The following QKI variants were observed in gnomAD, a reference collection of about 807,000 sequenced individuals.
QKI encodes the protein KH domain-containing RNA-binding protein QKI.
A neutral mutation model predicts 39.0 loss-of-function variants in QKI; 10 were observed. That is an observed-to-expected ratio of 0.26 (90% CI 0.16 to 0.43). QKI has a LOEUF of 0.43. Among genes scored for constraint, QKI ranks in the 20% least tolerant of loss-of-function variants. The probability of loss-of-function intolerance (pLI) is 1.00; values close to 1 mark genes in which losing one functional copy is unlikely to be tolerated. For synonymous variants in QKI, 204 were observed against 155.4 expected, an observed-to-expected ratio of 1.31 and a Z score of -2.33; for missense variants, 218 against 428.0, an observed-to-expected ratio of 0.51 and a Z score of 4.33.
At chr6:163,417,180 C>G (rs1342046585) in intron 1 of QKI, among the ~76,000 whole-genome samples, 1 of 152,070 alleles carries the variant, frequency 6.6e-6, no homozygotes, top group African/African-American at 2.4e-5. Flanking sequence ...AAATAACACT[C>G]TTACTGTCTT....
chr6:163,465,723 C>G (rs1791691167), intron 2 of QKI, among the ~76,000 whole-genome samples: 1 of 151,484 alleles, frequency 6.6e-6, no homozygotes, highest in African/African-American at 2.4e-5. Context: ...GTAGAAAAAC[C>G]CAAGACTTCA....
intron 1 of QKI, among the ~76,000 whole-genome samples, chr6:163,445,872 C>T (rs1454096470): frequency 1.3e-5 from 2 of 152,190 alleles, no homozygotes; most frequent in Non-Finnish European, 2.9e-5. Flanking sequence ...CCTCGGCCTC[C>T]CAAAGTGCTG....
intron 7 of QKI, chr6:163,567,037 A>G (rs1583233905): frequency 8.8e-7 from 1 of 1,130,496 alleles, no homozygotes. Context: ...ATTTATTCCT[A>G]CTAAAACATA....
rs535527774 is a variant in QKI at position 163,564,704 on chromosome 6, C to T, written c.934+985C>T. On this transcript the variant is annotated intron_variant, in intron 6 of 7. Transcript: ENST00000361752. ...TGCCAGTCATGCCTGATATTTCAGC[C>T]CATTGACTTGCTGGATGAAGGACTA... is the stretch of plus-strand genomic sequence containing the variant. The T allele has an allele frequency of 8.7e-6, 14 of 1,613,868 alleles. No homozygotes were observed. In the African/African-American group the frequency reaches 1.9e-4, roughly 22 times the overall value.
intron 6 of QKI, 148 bp from the exon 7 acceptor site, chr6:163,566,573 A>C: frequency 6.6e-7 from 1 of 1,509,614 alleles, no homozygotes; most frequent in African/African-American, 1.4e-5. Flanking sequence ...TATTGTGGTT[A>C]ATTTTAAAAC....
At chr6:163,415,531 C>T (rs1390348730) in intron 1 of QKI, among the ~76,000 whole-genome samples, 196 bp downstream of exon 1, 1 of 151,272 alleles carries the variant, frequency 6.6e-6, no homozygotes. Context: ...GTGGACCCGC[C>T]GGTGCCGGAC....
rs1783949685 is a variant in QKI, at chr6:163,575,865, AGGAT to A, written c.*5158_*5161del. 6.6e-6 allele frequency: 1 copy of A among 152,118 alleles called. No homozygotes were observed. Among genetic ancestry groups the A allele is most frequent in the East Asian group, 1.9e-4 (1 of 5,184 alleles). 9.4% of individuals were successfully genotyped at this position (152,118 alleles called of 1,614,324 possible). A position where few individuals can be genotyped will look rare whatever the true frequency, so the allele number is the denominator to read the frequency against. On this transcript the variant is annotated 3_prime_UTR_variant, in exon 8 of 8. Transcript: ENST00000361752. ...GACAGCCTAAGGTTTCTTTAGTTTT[AGGAT>A]GGGGTGGGGTGGGAGTGGTTTTGCA...
At chr6:163,496,906 C>A (rs1424974579) in intron 3 of QKI, among the ~76,000 whole-genome samples, 2 of 151,964 alleles carry the variant, frequency 1.3e-5, no homozygotes, top group Admixed American at 1.3e-4. Context: ...TTTCATCTTA[C>A]CATCAACAGC....
rs115907860 is a variant in QKI at position 163,521,293 on chromosome 6, T to A, written c.403-13689T>A. Among the ~76,000 whole-genome samples, 213 of 152,298 alleles carry A rather than the reference T, an allele frequency of 1.4e-3. 1 individual carries two copies. The highest frequency in any genetic ancestry group is 4.8e-3 in the African/African-American group (199 of 41,574). On this transcript the variant is annotated intron_variant, in intron 3 of 7. Transcript: ENST00000361752. ...TCCCTATGGGAATCGCTGGGATGTG[T>A]TGTAGATACCTGTCTATATATTTTT...
At position 163,571,954 on chromosome 6, in the gene QKI, G is replaced by A. The variant is rs1448570081; in HGVS notation, c.*1244G>A. The A allele has an allele frequency of 6.6e-6, 1 of 152,068 alleles. No individual in the cohort carries two copies. The highest frequency in any genetic ancestry group is 2.4e-5 in the African/African-American group (1 of 41,388). 9.4% of individuals were successfully genotyped at this position (152,068 alleles called of 1,614,324 possible). ...ACAAGTTAATGCATGTTACTCAGTC[G>A]CCCAGTATGTGAAAGAAGATATGAG... On this transcript the variant is annotated 3_prime_UTR_variant, in exon 8 of 8. Transcript: ENST00000361752.
intron 3 of QKI, among the ~76,000 whole-genome samples, chr6:163,528,194 C>T (rs1350588415): frequency 2.0e-5 from 3 of 152,056 alleles, no homozygotes; most frequent in Non-Finnish European, 4.4e-5. Context: ...CTCATCTACC[C>T]CTTTATCTGC....
At chr6:163,472,965 AAG>A (rs1232990493) in intron 2 of QKI, among the ~76,000 whole-genome samples, 1 of 152,210 alleles carries the variant, frequency 6.6e-6, no homozygotes, top group African/African-American at 2.4e-5. Flanking sequence ...GGAAGGGAAA[AAG>A]AACAGCAGAT....
chr6:163,555,535 G>A (rs912367558), intron 4 of QKI, among the ~76,000 whole-genome samples: 1 of 138,706 alleles, frequency 7.2e-6, no homozygotes, highest in Non-Finnish European at 1.5e-5. Context: ...AAAAAAGCCT[G>A]CACTCTGAGA....
intron 3 of QKI, among the ~76,000 whole-genome samples, chr6:163,520,684 A>G (rs16888835): frequency 0.033 from 5,060 of 152,278 alleles, 249 homozygotes; most frequent in African/African-American, 0.11. Context: ...GATTTTTTCA[A>G]TGCTTTCAAG....
In QKI at chr6:163,470,165, G is replaced by T. The variant is rs181717081; in HGVS notation, c.286-8615G>T. ...GGGGATCTCTTTTTCTGCTGAGCAC[G>T]TTTGCAGAATCTGGAGAGGACAGAC... On this transcript the variant is annotated intron_variant, in intron 2 of 7. Coordinates refer to ENST00000361752, the MANE Select transcript of QKI (RefSeq NM_006775.3). Among the ~76,000 whole-genome samples, 3 of 152,096 alleles carry T rather than the reference G, an allele frequency of 2.0e-5. No individual in the cohort carries two copies. In the South Asian group the frequency reaches 6.2e-4, roughly 31 times the overall value.
At chr6:163,428,555 T>C (rs1164292734) in intron 1 of QKI, among the ~76,000 whole-genome samples, 2 of 152,198 alleles carry the variant, frequency 1.3e-5, no homozygotes, top group Non-Finnish European at 2.9e-5. Context: ...GATAGTCTTA[T>C]CTCACTTTTA....
intron 3 of QKI, among the ~76,000 whole-genome samples, chr6:163,511,044 A>G (rs1237453466): frequency 6.6e-6 from 1 of 152,192 alleles, no homozygotes; most frequent in African/African-American, 2.4e-5. Context: ...GCTGGGCCAT[A>G]AGGTACAAAG....
chr6:163,535,096 G>A lies in QKI; in HGVS notation c.517G>A (p.Glu173Lys). 1 of 1,603,144 alleles carries A rather than the reference G, an allele frequency of 6.2e-7. No individual in the cohort carries two copies. Among genetic ancestry groups the A allele is most frequent in the Non-Finnish European group, 8.5e-7 (1 of 1,175,248 alleles). Reference sequence around the variant, plus strand: ...AGAAATCAAATTGAAGAGAGCAGTTGAAGAAGTGAAGAAATTATTGGTACC... The same window carrying A: ...AGAAATCAAATTGAAGAGAGCAGTTAAAGAAGTGAAGAAATTATTGGTACC... ...RAEIKLKRAV[E>K]EVKKLLVPAA... Residue 173 changes from glutamate (E) to lysine (K), a missense_variant, in exon 4 of 8, where the codon GAA (glutamate) becomes AAA (lysine). Transcript: ENST00000361752.
At chr6:163,556,490 C>T (rs981910325) in intron 4 of QKI, among the ~76,000 whole-genome samples, 1 of 28,706 alleles carries the variant, frequency 3.5e-5, no homozygotes, top group Non-Finnish European at 6.8e-5. Flanking sequence ...GCAACAAAAG[C>T]AAAATTCCAC....
Sources: gnomAD v4.1 joint callset for allele counts (sites outside exome capture counted in the v4.1 genomes callset) on GRCh38, gnomAD v4.1.1 for gene constraint, MANE v1.5 for transcripts, NCBI Gene and HGNC (gene_info 2026-07-23, HGNC 2026-07-21) for gene names.